Variants in DNM3 observed in about 807,000 individuals in gnomAD.
The protein encoded by DNM3 is dynamin 3, also known as dynamin-3.
In DNM3, 47 loss-of-function variants were observed where a neutral mutation model predicts 101.6. The observed-to-expected ratio is 0.46, with a 90% CI of 0.37 to 0.59. The LOEUF (loss-of-function observed/expected upper bound fraction) is 0.59. Among genes scored for constraint, DNM3 ranks in the 20% least tolerant of loss-of-function variants. The probability of loss-of-function intolerance (pLI) is 0.00; values close to 1 mark genes in which losing one functional copy is unlikely to be tolerated. For synonymous variants in DNM3, 385 were observed against 387.9 expected, an observed-to-expected ratio of 0.99 and a Z score of 0.09; for missense variants, 849 against 1,085.7, an observed-to-expected ratio of 0.78 and a Z score of 3.06.
chr1:172,070,133 T>A (rs1015909583), intron 11 of DNM3, among the ~76,000 whole-genome samples: 10 of 152,198 alleles, frequency 6.6e-5, no homozygotes, highest in Non-Finnish European at 1.5e-4. Context: ...AGTTAATTAA[T>A]CACCATTTAT....
chr1:171,894,905 G>C (rs2037640452), intron 1 of DNM3, among the ~76,000 whole-genome samples: 1 of 152,060 alleles, frequency 6.6e-6, no homozygotes, highest in African/African-American at 2.4e-5. Context: ...TTCTGCCCTT[G>C]TGATAGTTTT....
chr1:172,040,333 A>G (rs2049282942), intron 7 of DNM3, among the ~76,000 whole-genome samples: 1 of 152,172 alleles, frequency 6.6e-6, no homozygotes, highest in Non-Finnish European at 1.5e-5. Flanking sequence ...CTTTTCATTC[A>G]TCCATGATTT....
intron 15 of DNM3, among the ~76,000 whole-genome samples, chr1:172,291,858 A>C (rs1356143706): frequency 6.6e-6 from 1 of 152,214 alleles, no homozygotes; most frequent in Non-Finnish European, 1.5e-5. Flanking sequence ...TGGTAATGAC[A>C]TAGGACTATG....
chr1:172,082,871 T>G (rs1265563154), intron 12 of DNM3, among the ~76,000 whole-genome samples: 1 of 152,246 alleles, frequency 6.6e-6, no homozygotes, highest in Non-Finnish European at 1.5e-5. Context: ...AACTTGGCTG[T>G]GGTTGTGATG....
At chr1:171,934,581 A>G (rs976208325) in intron 2 of DNM3, among the ~76,000 whole-genome samples, 9 of 152,300 alleles carry the variant, frequency 5.9e-5, no homozygotes, top group African/African-American at 2.2e-4. Flanking sequence ...AAGGAGCGCT[A>G]CTAGCCTTGT....
At chr1:172,157,074 T>C (rs1005053931) in intron 14 of DNM3, among the ~76,000 whole-genome samples, 2 of 152,128 alleles carry the variant, frequency 1.3e-5, no homozygotes, top group African/African-American at 4.8e-5. Flanking sequence ...TATTGTGCAC[T>C]TTATTTCTAT....
intron 17 of DNM3, among the ~76,000 whole-genome samples, chr1:172,371,308 C>A (rs940184093): frequency 6.6e-6 from 1 of 151,946 alleles, no homozygotes; most frequent in African/African-American, 2.4e-5. Flanking sequence ...GTATAATAAA[C>A]CCACAAATGT....
chr1:171,983,357 C>A (rs1263704275), intron 2 of DNM3, among the ~76,000 whole-genome samples: 1 of 86,400 alleles, frequency 1.2e-5, no homozygotes, highest in Non-Finnish European at 2.3e-5. Flanking sequence ...ACTCAGGAGG[C>A]TAGGGTGGGA....
intron 2 of DNM3, among the ~76,000 whole-genome samples, chr1:171,934,606 A>G (rs184243674): frequency 2.3e-3 from 352 of 152,294 alleles, no homozygotes; most frequent in Non-Finnish European, 3.6e-3. Flanking sequence ...TACAAAGTGT[A>G]TGTCTTTGAC....
At chr1:172,267,905 G>A (rs1489912610) in intron 15 of DNM3, among the ~76,000 whole-genome samples, 3 of 151,960 alleles carry the variant, frequency 2.0e-5, no homozygotes, top group Non-Finnish European at 4.4e-5. Flanking sequence ...GTAGAGACGG[G>A]GTTTCACCAC....
At chr1:171,887,571 A>G (rs7554935) in intron 1 of DNM3, among the ~76,000 whole-genome samples, 113,786 of 152,130 alleles carry the variant, frequency 0.75, 43,242 homozygotes, top group African/African-American at 0.9. Flanking sequence ...CATTCTTTAT[A>G]GATCTTTTTC....
At chr1:172,389,085 G>A (rs2069371937) in intron 20 of DNM3, 6 of 463,954 alleles carry the variant, frequency 1.3e-5, no homozygotes, top group Non-Finnish European at 2.3e-5. Context: ...CAGCTATTGG[G>A]AGAATTTGAG....
chr1:172,295,584 ATGATTTTAAAAACTGAAAGATAACTGC>A (rs2064126749), intron 15 of DNM3, among the ~76,000 whole-genome samples: 1 of 152,204 alleles, frequency 6.6e-6, no homozygotes. Context: ...GAATTCAAGA[ATGATTTTAAAAACTGAAAGATAACTGC>A]TGAAAAATAT....
chr1:172,330,337 A>T (rs973917953), intron 17 of DNM3, among the ~76,000 whole-genome samples: 1 of 152,134 alleles, frequency 6.6e-6, no homozygotes, highest in African/African-American at 2.4e-5. Context: ...ATATATATAT[A>T]GAAATTTTCA....
At chr1:172,031,924 A>G (rs2125797859) in intron 4 of DNM3, among the ~76,000 whole-genome samples, 1 of 151,928 alleles carries the variant, frequency 6.6e-6, no homozygotes, top group East Asian at 1.9e-4. Flanking sequence ...TCTTCTTTTA[A>G]TTTTTTTGAC....
chr1:172,132,986 C>A (rs1190321564), intron 14 of DNM3: 3 of 1,532,526 alleles, frequency 2.0e-6, no homozygotes, highest in Non-Finnish European at 2.6e-6. Flanking sequence ...GCTCCAGAGC[C>A]TATGCTTTCA....
chr1:171,988,470 C>G (rs1042334164), intron 3 of DNM3, among the ~76,000 whole-genome samples: 2 of 151,918 alleles, frequency 1.3e-5, no homozygotes, highest in Admixed American at 1.3e-4. Context: ...ACAGCTGATT[C>G]AGTAAACCCA....
At chr1:171,908,979 C>G (rs903845925) in intron 1 of DNM3, among the ~76,000 whole-genome samples, 1 of 152,154 alleles carries the variant, frequency 6.6e-6, no homozygotes, top group Non-Finnish European at 1.5e-5. Flanking sequence ...CTTCCTCCCT[C>G]CCTTTTTTCC....
intron 9 of DNM3, 42 bp downstream of exon 9, chr1:172,044,494 A>G: frequency 6.6e-7 from 1 of 1,524,322 alleles, no homozygotes; most frequent in Non-Finnish European, 9.0e-7. Context: ...TCAAGCTACC[A>G]AAAGAAAATT....
Sources: allele counts gnomAD v4.1 joint callset (sites outside exome capture counted in the v4.1 genomes callset), GRCh38; gene constraint gnomAD v4.1.1; transcripts MANE v1.5; gene names NCBI Gene and HGNC (gene_info 2026-07-23, HGNC 2026-07-21).